Variants in PKHD1L1 observed in about 807,000 individuals in gnomAD.
The protein encoded by PKHD1L1 is fibrocystin-L.
In PKHD1L1, 434 loss-of-function variants were observed where a neutral mutation model predicts 462.9. The observed-to-expected ratio is 0.94, with a 90% CI of 0.87 to 1.02. The LOEUF (loss-of-function observed/expected upper bound fraction) is 1.02, where lower values mean the gene tolerates loss of function less well. Ranked by LOEUF, PKHD1L1 falls within the 50% of genes least tolerant of loss-of-function variation. PKHD1L1 has a pLI of 0.00. For synonymous variants in PKHD1L1, 1,781 were observed against 1,750.0 expected, an observed-to-expected ratio of 1.02 and a Z score of -0.44; for missense variants, 5,202 against 5,096.1, an observed-to-expected ratio of 1.02 and a Z score of -0.63.
At chr8:109,522,598 G>T in intron 74 of PKHD1L1, 146 bp from the exon 75 acceptor site, 1 of 954,314 alleles carries the variant, frequency 1.0e-6, no homozygotes, top group South Asian at 2.3e-5. Flanking sequence ...ATGTAATGGA[G>T]GAAATATTGT....
chr8:109,404,363 A>G (rs545094504), intron 14 of PKHD1L1, among the ~76,000 whole-genome samples, 191 bp from the exon 15 acceptor site: 9 of 152,314 alleles, frequency 5.9e-5, no homozygotes, highest in Admixed American at 5.2e-4. Flanking sequence ...CAGATATCTT[A>G]CATAATTCAT....
chr8:109,431,112 T>G (rs1331413483), intron 27 of PKHD1L1, among the ~76,000 whole-genome samples: 1 of 151,882 alleles, frequency 6.6e-6, no homozygotes, highest in Non-Finnish European at 1.5e-5. Flanking sequence ...AGACTACAGG[T>G]GCATACCACC....
At chr8:109,369,564 A>G (rs1191656502) in intron 2 of PKHD1L1, among the ~76,000 whole-genome samples, 2 of 152,046 alleles carry the variant, frequency 1.3e-5, no homozygotes, top group Non-Finnish European at 2.9e-5. Context: ...TGTTGTCTTG[A>G]GAATGCTGAA....
At chr8:109,437,798 C>T (rs1815518122) in intron 30 of PKHD1L1, among the ~76,000 whole-genome samples, 1 of 151,914 alleles carries the variant, frequency 6.6e-6, no homozygotes, top group African/African-American at 2.4e-5. Flanking sequence ...TAAATAAATA[C>T]TAGATGTGAA....
intron 41 of PKHD1L1, among the ~76,000 whole-genome samples, chr8:109,451,794 A>G (rs1476940121): frequency 1.3e-5 from 2 of 152,340 alleles, no homozygotes; most frequent in South Asian, 4.1e-4. Flanking sequence ...TGTCACATGG[A>G]CAAGTGATCC....
At chr8:109,491,614 A>G (rs1818829970) in intron 61 of PKHD1L1, among the ~76,000 whole-genome samples, 1 of 151,936 alleles carries the variant, frequency 6.6e-6, no homozygotes, top group Admixed American at 6.6e-5. Flanking sequence ...TTTGTTAAAT[A>G]AAATCTGAGA....
Position 109,465,090 on chromosome 8 carries a change from C to A in PKHD1L1, c.8258C>A (p.Ala2753Asp). 6.2e-7 allele frequency: 1 copy of A among 1,613,800 alleles called. No individual in the cohort carries two copies. The highest frequency in any genetic ancestry group is 8.5e-7 in the Non-Finnish European group (1 of 1,179,794). The change falls in exon 49 of 78, where the codon GCT becomes GAT. Residue 2753 changes from alanine to aspartate, a missense_variant. Physicochemically the swap from Ala to Asp is moderately radical, Grantham distance 126. This residue lies in a region of PKHD1L1 where 4,497 missense variants were observed against 4,336.8 expected (regional missense o/e 1.04). Coordinates refer to ENST00000378402, the MANE Select transcript of PKHD1L1 (RefSeq NM_177531.6). ...AACTTTGACCGTCCCAACTGTGTAG[C>A]TTTGGGAGTGACATCCATCTCTGGA... is the stretch of plus-strand genomic sequence containing the variant. Reference protein sequence around the residue: ...FMNFDRPNCVALGVTSISGVC... With the variant: ...FMNFDRPNCVDLGVTSISGVC...
chr8:109,430,181 C>G (rs115748174), intron 27 of PKHD1L1, 144 bp downstream of exon 27: 1 of 470,780 alleles, frequency 2.1e-6, no homozygotes, highest in Middle Eastern at 4.7e-4. Context: ...AATTAAAAAC[C>G]CTATCAGAGA....
At position 109,486,231 on chromosome 8, in the gene PKHD1L1, T is replaced by C. The variant is rs1818519049; in HGVS notation, c.9707-417T>C. ...TAGGTGGCAGGAGTGTTAATAGCTA[T>C]GTGTTGTTGATTCTCCTCCTAGCTT... is the stretch of plus-strand genomic sequence containing the variant. On this transcript the variant is annotated intron_variant, in intron 58 of 77. Transcript: ENST00000378402. Among the ~76,000 whole-genome samples the C allele has an allele frequency of 2.0e-5, 3 of 151,922 alleles. No individual in the cohort carries two copies. In the South Asian group the frequency reaches 6.2e-4, roughly 31 times the overall value.
At chr8:109,419,822 C>A (rs574656758) in intron 22 of PKHD1L1, among the ~76,000 whole-genome samples, 1 of 152,162 alleles carries the variant, frequency 6.6e-6, no homozygotes, top group East Asian at 1.9e-4. Context: ...CAAACAGTCA[C>A]CTTAAAAGTG....
In PKHD1L1 at chr8:109,401,487, C is replaced by G; in HGVS notation, c.1282-10C>G. On this transcript the variant is annotated splice_polypyrimidine_tract_variant and intron_variant, in intron 13 of 77. Coordinates refer to ENST00000378402, the MANE Select transcript of PKHD1L1 (RefSeq NM_177531.6). ...CTCCCTTTTCTCTGTCTCTGTCTCTCTCGGATTAGGTGAGGATTGCATATC... is the reference window on the plus strand; with the variant it reads ...CTCCCTTTTCTCTGTCTCTGTCTCTGTCGGATTAGGTGAGGATTGCATATC... 6.8e-7 allele frequency: 1 copy of G among 1,472,308 alleles called. No homozygotes were observed. Among genetic ancestry groups the G allele is most frequent in the Non-Finnish European group, 9.5e-7 (1 of 1,058,004 alleles). 91.2% of individuals were successfully genotyped at this position (1,472,308 alleles called of 1,614,324 possible). A position where few individuals can be genotyped will look rare whatever the true frequency, so the allele number is the denominator to read the frequency against.
At chr8:109,377,983 C>T (rs1339758241) in intron 2 of PKHD1L1, among the ~76,000 whole-genome samples, 2 of 151,930 alleles carry the variant, frequency 1.3e-5, no homozygotes, top group South Asian at 2.1e-4. Context: ...TTTGCATTAC[C>T]CTTTTGTCTC....
rs1171670311 is a variant in PKHD1L1 at position 109,429,546 on chromosome 8, A to G, written c.3123+84A>G. 6 of 1,309,586 alleles carry G rather than the reference A, an allele frequency of 4.6e-6. No individual in the cohort carries two copies. In the South Asian group the frequency reaches 5.5e-5, roughly 12 times the overall value. 81.1% of individuals were successfully genotyped at this position (1,309,586 alleles called of 1,614,324 possible). On this transcript the variant is annotated intron_variant, in intron 26 of 77. Coordinates refer to ENST00000378402, the MANE Select transcript of PKHD1L1 (RefSeq NM_177531.6). ...TAATATGTTAAAGACCTGGTGAAAC[A>G]GGAGGTTTGACTTCTGTATTTCATG...
At chr8:109,420,372 C>G in intron 22 of PKHD1L1, 146 bp from the exon 23 acceptor site, 1 of 508,928 alleles carries the variant, frequency 2.0e-6, no homozygotes, top group Non-Finnish European at 3.3e-6. Flanking sequence ...ATTTTAAATA[C>G]TTCATGACAA....
At chr8:109,393,322 G>A (rs1457289) in intron 9 of PKHD1L1, among the ~76,000 whole-genome samples, 90,282 of 151,932 alleles carry the variant, frequency 0.59, 27,417 homozygotes, top group African/African-American at 0.71. Flanking sequence ...AATTCAGTGT[G>A]ATTATGATGA....
intron 67 of PKHD1L1, among the ~76,000 whole-genome samples, chr8:109,503,332 A>T (rs1397942444): frequency 6.6e-6 from 1 of 151,692 alleles, no homozygotes; most frequent in Admixed American, 6.6e-5. Flanking sequence ...AAAACAGAAG[A>T]CCGCAGCTAT....
At chr8:109,436,554 G>C in intron 30 of PKHD1L1, 95 bp downstream of exon 30, 1 of 1,527,094 alleles carries the variant, frequency 6.5e-7, no homozygotes, top group Non-Finnish European at 8.7e-7. Flanking sequence ...AACAAGTGGT[G>C]TATTTACTTA....
rs1819774817 is a variant in PKHD1L1 at position 109,507,877 on chromosome 8, G to C, written c.11209G>C (p.Glu3737Gln). ...FLNGSRIPVT[E>Q]KAPHKGIIRD... ...GAATGGAAGTAGAATTCCTGTCACT[G>C]AGAAAGCACCTCATAAAGGTTTGTT... Residue 3737 changes from glutamate to glutamine, a missense_variant, in exon 69 of 78, where the codon GAG (glutamate) becomes CAG (glutamine). Physicochemically the swap from Glu to Gln is conservative, Grantham distance 29. Transcript: ENST00000378402. 6.2e-7 allele frequency: 1 copy of C among 1,613,398 alleles called. No homozygotes were observed. Among genetic ancestry groups the C allele is most frequent in the African/African-American group, 1.3e-5 (1 of 74,900 alleles).
chr8:109,395,977 G>A, intron 10 of PKHD1L1, 50 bp from the exon 11 acceptor site: 2 of 1,300,864 alleles, frequency 1.5e-6, no homozygotes, highest in Non-Finnish European at 2.2e-6. Context: ...CAGGTATTTG[G>A]GTTTATGTGT....
Sources: gnomAD v4.1 joint callset for allele counts (sites outside exome capture counted in the v4.1 genomes callset) on GRCh38, gnomAD v4.1.1 for gene constraint, gnomAD v4.1.1 regional missense constraint, MANE v1.5 for transcripts, NCBI Gene and HGNC (gene_info 2026-07-23, HGNC 2026-07-21) for gene names.